HTR1F: variants seen among roughly 807,000 people sequenced by gnomAD.
HTR1F encodes the protein 5-hydroxytryptamine receptor 1F, also known as 5-hydroxytryptamine (serotonin) receptor 1F, G protein-coupled.
HTR1F carries 17 observed loss-of-function variants against 24.0 expected under a neutral mutation model. That is an observed-to-expected ratio of 0.71 (90% CI 0.48 to 1.06). The LOEUF (loss-of-function observed/expected upper bound fraction) is 1.06, where lower values mean the gene tolerates loss of function less well. Ranked by LOEUF, HTR1F falls within the 50% of genes least tolerant of loss-of-function variation. The pLI is 0.00. For synonymous variants in HTR1F, 186 were observed against 156.8 expected (o/e 1.19, Z -1.39); for missense variants, 391 against 427.8 (o/e 0.91, Z 0.76).
intron 2 of HTR1F, among the ~76,000 whole-genome samples, chr3:87,968,547 GA>G (rs1705216627): frequency 6.6e-6 from 1 of 152,072 alleles, no homozygotes; most frequent in African/African-American, 2.4e-5. Flanking sequence ...AAGAATTCAA[GA>G]GGTGACTTAA....
At chr3:87,835,451 G>T (rs1398966587) in intron 2 of HTR1F, among the ~76,000 whole-genome samples, 1 of 152,190 alleles carries the variant, frequency 6.6e-6, no homozygotes, top group Admixed American at 6.5e-5. Context: ...GATGAAGCCA[G>T]ATTACAACAT....
intron 1 of HTR1F, among the ~76,000 whole-genome samples, chr3:87,818,263 T>C (rs1260938918): frequency 6.6e-6 from 1 of 152,148 alleles, no homozygotes; most frequent in Admixed American, 6.5e-5. Context: ...TCAACATAGA[T>C]ACCAGAGAGT....
intron 2 of HTR1F, among the ~76,000 whole-genome samples, chr3:87,927,535 T>G (rs1390038486): frequency 6.6e-6 from 1 of 152,188 alleles, no homozygotes; most frequent in African/African-American, 2.4e-5. Context: ...TATTTGGGTT[T>G]CCTAAATGGT....
intron 2 of HTR1F, among the ~76,000 whole-genome samples, chr3:87,925,241 G>C (rs1704096479): frequency 6.6e-6 from 1 of 152,074 alleles, no homozygotes; most frequent in South Asian, 2.1e-4. Context: ...AGGGATTGGG[G>C]CGACCAATGG....
chr3:87,917,723 G>T (rs923850817), intron 2 of HTR1F, among the ~76,000 whole-genome samples: 11 of 143,932 alleles, frequency 7.6e-5, no homozygotes, highest in African/African-American at 2.9e-4. Context: ...GGTAATTCAA[G>T]AATTAACAAC....
intron 2 of HTR1F, among the ~76,000 whole-genome samples, chr3:87,843,510 TC>T (rs1704855733): frequency 6.8e-6 from 1 of 147,276 alleles, no homozygotes; most frequent in South Asian, 2.1e-4. Flanking sequence ...ACTTTCTTTT[TC>T]TTTTTTTTTT....
At chr3:87,885,296 G>A (rs189651505) in intron 2 of HTR1F, among the ~76,000 whole-genome samples, 1 of 151,928 alleles carries the variant, frequency 6.6e-6, no homozygotes, top group African/African-American at 2.4e-5. Context: ...AAATCAATGA[G>A]AAAAAAAGAC....
At chr3:87,987,833 T>C (rs1219482810) in intron 2 of HTR1F, among the ~76,000 whole-genome samples, 1 of 144,814 alleles carries the variant, frequency 6.9e-6, no homozygotes, top group African/African-American at 2.5e-5. Flanking sequence ...ATATATAAAA[T>C]ATATGTATTA....
intron 2 of HTR1F, among the ~76,000 whole-genome samples, chr3:87,967,175 C>A (rs1705182841): frequency 6.6e-6 from 1 of 152,134 alleles, no homozygotes; most frequent in South Asian, 2.1e-4. Flanking sequence ...CTCAGCCAGG[C>A]ACAGTGGCTC....
At chr3:87,922,402 T>C (rs539605374) in intron 2 of HTR1F, among the ~76,000 whole-genome samples, 7 of 151,936 alleles carry the variant, frequency 4.6e-5, no homozygotes, top group Non-Finnish European at 8.8e-5. Flanking sequence ...TTCTTCTATA[T>C]GGTAAATATT....
intron 2 of HTR1F, among the ~76,000 whole-genome samples, chr3:87,845,811 A>C (rs1704928159): frequency 6.6e-6 from 1 of 151,988 alleles, no homozygotes; most frequent in Non-Finnish European, 1.5e-5. Context: ...TGCATTGCTC[A>C]AGTTGTCATT....
intron 1 of HTR1F, among the ~76,000 whole-genome samples, chr3:87,813,278 G>C (rs1274187549): frequency 6.6e-6 from 1 of 152,218 alleles, no homozygotes; most frequent in Non-Finnish European, 1.5e-5. Context: ...GGAGTCAAAA[G>C]ACATTATTTT....
intron 2 of HTR1F, among the ~76,000 whole-genome samples, chr3:87,862,798 G>A (rs1301528270): frequency 6.6e-6 from 1 of 151,686 alleles, no homozygotes; most frequent in Non-Finnish European, 1.5e-5. Context: ...TCTGACTCAT[G>A]TACTTACTCT....
chr3:87,810,707 G>T (rs1276268088), intron 1 of HTR1F, among the ~76,000 whole-genome samples: 1 of 152,134 alleles, frequency 6.6e-6, no homozygotes, highest in Non-Finnish European at 1.5e-5. Context: ...TCTAAAAATG[G>T]CTCAGTTGTT....
intron 2 of HTR1F, among the ~76,000 whole-genome samples, chr3:87,886,735 G>T (rs893030138): frequency 1.8e-4 from 27 of 152,062 alleles, no homozygotes; most frequent in African/African-American, 4.8e-4. Context: ...ATTCACAATT[G>T]CTACAGAGAA....
chr3:87,992,023 C>G lies in HTR1F; in HGVS notation c.*173C>G. 3 of 515,400 alleles carry G rather than the reference C, an allele frequency of 5.8e-6. No individual in the cohort carries two copies. The highest frequency in any genetic ancestry group is 7.5e-5 in the South Asian group (2 of 26,592). 31.9% of individuals were successfully genotyped at this position (515,400 alleles called of 1,614,324 possible). A position where few individuals can be genotyped will look rare whatever the true frequency, so the allele number is the denominator to read the frequency against. ...ATGTGAATATAAAAGTTATTGATCA[C>G]CACTATTCTAGGGTATTCAAAATTA... On this transcript the variant is annotated 3_prime_UTR_variant, in exon 3 of 3. Transcript: ENST00000319595.
intron 2 of HTR1F, among the ~76,000 whole-genome samples, chr3:87,944,956 C>T (rs1334368980): frequency 2.0e-5 from 3 of 152,184 alleles, no homozygotes; most frequent in South Asian, 2.1e-4. Flanking sequence ...CGGAGAAGAC[C>T]TCCAATTATC....
Position 87,921,864 on chromosome 3 carries a change from G to T in HTR1F, c.-42-68844G>T, listed in dbSNP as rs113384072. 4.4e-3 allele frequency among the ~76,000 whole-genome samples: 665 copies of T among 151,808 alleles called. 3 individuals carry two copies. Among genetic ancestry groups the T allele is most frequent in the Non-Finnish European group, 7.1e-3 (478 of 67,788 alleles). On this transcript the variant is annotated intron_variant, in intron 2 of 2. Coordinates refer to ENST00000319595, the MANE Select transcript of HTR1F (RefSeq NM_001322209.2). ...TTTTACTTAACAGAAAGCCTTCAAG[G>T]TTTATCCATGTTGCCAACAGTGATA...
At position 87,950,200 on chromosome 3, in the gene HTR1F, A is replaced by T. The variant is rs1248438159; in HGVS notation, c.-42-40508A>T. The stretch of plus-strand genomic sequence containing the variant: ...CAAGCAATTTATAAGAGATCTGCCC[A>T]CATGACCCAAACACATCCCACTGGG... On this transcript the variant is annotated intron_variant, in intron 2 of 2. Coordinates refer to ENST00000319595, the MANE Select transcript of HTR1F (RefSeq NM_001322209.2). Among the ~76,000 whole-genome samples, 5 of 152,338 alleles carry T rather than the reference A, an allele frequency of 3.3e-5. No homozygotes were observed. The South Asian group carries it at 1.0e-3, about 32-fold the overall frequency.
Sources: allele counts gnomAD v4.1 joint callset (sites outside exome capture counted in the v4.1 genomes callset), GRCh38; gene constraint gnomAD v4.1.1; transcripts MANE v1.5; gene names NCBI Gene and HGNC (gene_info 2026-07-23, HGNC 2026-07-21).